The following BRWD1 variants were observed in gnomAD, a reference collection of about 807,000 sequenced individuals.
BRWD1 encodes bromodomain and WD repeat domain containing 1.
A neutral mutation model predicts 251.2 loss-of-function variants in BRWD1; 82 were observed. That is an observed-to-expected ratio of 0.33 (90% confidence interval 0.27 to 0.39). The LOEUF (loss-of-function observed/expected upper bound fraction) is 0.39, where lower values mean the gene tolerates loss of function less well. BRWD1 is among the 10% of genes least tolerant of loss of function. BRWD1 has a pLI of 1.00. For synonymous variants in BRWD1, 918 were observed against 902.8 expected (o/e 1.02, Z -0.30); for missense variants, 2,233 against 2,711.6 (o/e 0.82, Z 3.92).
chr21:39,246,801 G>A (rs1205327496), intron 21 of BRWD1, among the ~76,000 whole-genome samples: 3 of 152,194 alleles, frequency 2.0e-5, no homozygotes, highest in Non-Finnish European at 4.4e-5. Context: ...GAGCCCGTCC[G>A]GCTGGGCGTG....
Position 39,258,516 on chromosome 21 carries a change from A to G in BRWD1, c.2042T>C (p.Leu681Pro). ...GADQDTIPRG[L>P]SNGEETPRRG... The stretch of plus-strand genomic sequence containing the variant: ...CCGGGGTGTTTCTTCACCATTTGAA[A>G]GTCCTCTTGGAATAGTATCCTGATC... Residue 681 changes from leucine (L) to proline (P), a missense_variant, in exon 18 of 41, where the codon CTT becomes CCT. Physicochemically the swap from Leu to Pro is moderately conservative, Grantham distance 98 (BLOSUM62 -3). Around this residue, in one of 12 missense-constraint regions of BRWD1, gnomAD observed 73 missense variants for 68.1 expected, o/e 1.07. Coordinates refer to ENST00000342449, the MANE Select transcript of BRWD1 (RefSeq NM_033656.4). 6.2e-7 allele frequency: 1 copy of G among 1,602,466 alleles called. No homozygotes were observed. The highest frequency in any genetic ancestry group is 2.2e-5 in the East Asian group (1 of 44,530).
intron 8 of BRWD1, among the ~76,000 whole-genome samples, chr21:39,286,100 C>T (rs370207551): frequency 6.7e-6 from 1 of 148,790 alleles, no homozygotes; most frequent in Non-Finnish European, 1.5e-5. Context: ...CTGCAAGCTC[C>T]GTCTCCCAGG....
At position 39,195,768 on chromosome 21, in the gene BRWD1, C is replaced by T. The variant is rs1045438108; in HGVS notation, c.*491G>A. The T allele has an allele frequency of 3.0e-6, 3 of 985,120 alleles. No homozygotes were observed. Among genetic ancestry groups the T allele is most frequent in the Non-Finnish European group, 2.4e-6 (2 of 829,752 alleles). The allele number at this position is 985,120 out of a possible 1,614,324, so 61.0% of individuals were successfully genotyped here. A position where few individuals can be genotyped will look rare whatever the true frequency, so the allele number is the denominator to read the frequency against. ...AAAAAAAAAAAAGTGGTAGGTACCT[C>T]GCCTACTAATCATGGTTACACCTCC... On this transcript the variant is annotated 3_prime_UTR_variant, in exon 41 of 41. Transcript: ENST00000342449.
chr21:39,189,271 A>G lies in BRWD1; in HGVS notation c.*6988T>C. 1.0e-6 allele frequency: 1 copy of G among 984,520 alleles called. No homozygotes were observed. Among genetic ancestry groups the G allele is most frequent in the East Asian group, 1.1e-4 (1 of 8,816 alleles). The allele number at this position is 984,520 out of a possible 1,614,324, so 61.0% of individuals were successfully genotyped here. ...GAAGAAAAGAACAGATAACTGGTTC[A>G]TTCCCAACAACCTATTCATCCAGAC... On this transcript the variant is annotated 3_prime_UTR_variant, in exon 41 of 41. Coordinates refer to ENST00000342449, the MANE Select transcript of BRWD1 (RefSeq NM_033656.4).
At chr21:39,281,925 T>C (rs915179400) in intron 8 of BRWD1, among the ~76,000 whole-genome samples, 1 of 74,244 alleles carries the variant, frequency 1.3e-5, no homozygotes, top group Non-Finnish European at 3.5e-5. Context: ...TATATACGTA[T>C]ACATACATAT....
At chr21:39,217,061 A>G (rs1601299597) in intron 31 of BRWD1, 2 of 8,976 alleles carry the variant, frequency 2.2e-4, no homozygotes, top group African/African-American at 5.4e-4. Flanking sequence ...TTATATATAT[A>G]TATATATATA....
At chr21:39,215,556 T>C (rs945784217) in intron 31 of BRWD1, among the ~76,000 whole-genome samples, 194 bp from the exon 32 acceptor site, 2 of 152,226 alleles carry the variant, frequency 1.3e-5, no homozygotes, top group Non-Finnish European at 2.9e-5. Flanking sequence ...AGCAATTATA[T>C]TGAACTGAAG....
chr21:39,218,768 A>C (rs1051247296), intron 29 of BRWD1, 108 bp from the exon 30 acceptor site: 56 of 854,250 alleles, frequency 6.6e-5, no homozygotes, highest in Non-Finnish European at 8.9e-5. Flanking sequence ...TTATCTCCAC[A>C]GTCAAAAATA....
Position 39,194,869 on chromosome 21 carries a change from G to C in BRWD1, c.*1390C>G. 1 of 1,532,072 alleles carries C rather than the reference G, an allele frequency of 6.5e-7. No individual in the cohort carries two copies. The highest frequency in any genetic ancestry group is 1.2e-5 in the South Asian group (1 of 83,854). 94.9% of individuals were successfully genotyped at this position (1,532,072 alleles called of 1,614,324 possible). ...CAGGAGAAAAGGGTTAATTTTGTCT[G>C]AAATCAAACACAATTAGGGCTAATA... is the stretch of plus-strand genomic sequence containing the variant. On this transcript the variant is annotated 3_prime_UTR_variant, in exon 41 of 41. Coordinates refer to ENST00000342449, the MANE Select transcript of BRWD1 (RefSeq NM_033656.4).
chr21:39,319,501 G>A (rs913642156), intron 1 of BRWD1, among the ~76,000 whole-genome samples: 5 of 152,316 alleles, frequency 3.3e-5, no homozygotes, highest in South Asian at 4.1e-4. Flanking sequence ...TTTGGATGTC[G>A]GAGTTGGGCA....
Position 39,188,528 on chromosome 21 carries a change from G to T in BRWD1, c.*7731C>A. 2 of 985,386 alleles carry T rather than the reference G, an allele frequency of 2.0e-6. No individual in the cohort carries two copies. The highest frequency in any genetic ancestry group is 2.4e-6 in the Non-Finnish European group (2 of 829,896). The allele number at this position is 985,386 out of a possible 1,614,324, so 61.0% of individuals were successfully genotyped here. A position where few individuals can be genotyped will look rare whatever the true frequency, so the allele number is the denominator to read the frequency against. ...ATGAAACCACCAATGCCAACCTTCT[G>T]AACTTTTTCTTCTGTGAAGATGTTT... is the stretch of plus-strand genomic sequence containing the variant. On this transcript the variant is annotated 3_prime_UTR_variant, in exon 41 of 41. Coordinates refer to ENST00000342449, the MANE Select transcript of BRWD1 (RefSeq NM_033656.4).
At chr21:39,243,623 C>A (rs1215433665) in intron 21 of BRWD1, among the ~76,000 whole-genome samples, 1 of 151,480 alleles carries the variant, frequency 6.6e-6, no homozygotes. Context: ...TTTTTTTTCT[C>A]ATTTTTTTGT....
At chr21:39,249,176 G>T (rs1361242380) in intron 20 of BRWD1, among the ~76,000 whole-genome samples, 3 of 152,082 alleles carry the variant, frequency 2.0e-5, no homozygotes, top group Admixed American at 6.5e-5. Context: ...GTACAGAAGG[G>T]AACAACAGAC....
intron 20 of BRWD1, 22 bp from the exon 21 acceptor site, chr21:39,247,854 G>A (rs373293467): frequency 1.3e-4 from 211 of 1,567,610 alleles, no homozygotes; most frequent in Non-Finnish European, 1.6e-4. Flanking sequence ...AAAAACATGC[G>A]AATGAAAATC....
chr21:39,188,786 T>C lies in BRWD1; in HGVS notation c.*7473A>G, dbSNP rs989106863. 10 of 985,300 alleles carry C rather than the reference T, an allele frequency of 1.0e-5. No individual in the cohort carries two copies. The highest frequency in any genetic ancestry group is 9.6e-6 in the Non-Finnish European group (8 of 829,914). The allele number at this position is 985,300 out of a possible 1,614,324, so 61.0% of individuals were successfully genotyped here. Reference sequence around the variant, plus strand: ...CTTTATTCAAAGCAACCCCACCACATACACATCAGTTCCTTTTGCCAACTA... The same window carrying C: ...CTTTATTCAAAGCAACCCCACCACACACACATCAGTTCCTTTTGCCAACTA... On this transcript the variant is annotated 3_prime_UTR_variant, in exon 41 of 41. Coordinates refer to ENST00000342449, the MANE Select transcript of BRWD1 (RefSeq NM_033656.4).
intron 4 of BRWD1, among the ~76,000 whole-genome samples, chr21:39,303,718 G>A (rs866179829): frequency 7.3e-5 from 11 of 151,588 alleles, no homozygotes; most frequent in Middle Eastern, 3.4e-3. Context: ...AGCTACTCAG[G>A]AGACTAAGGT....
chr21:39,214,411 A>G (rs1310994368), intron 32 of BRWD1, among the ~76,000 whole-genome samples: 1 of 152,116 alleles, frequency 6.6e-6, no homozygotes, highest in African/African-American at 2.4e-5. Flanking sequence ...CCAATTAAAT[A>G]TACTCTATAA....
Position 39,306,316 on chromosome 21 carries a change from G to A in BRWD1, c.198+6525C>T, listed in dbSNP as rs377677357. On this transcript the variant is annotated intron_variant, in intron 4 of 40. Transcript: ENST00000342449. ...GATCTCTTGACCTTGTGATCCACCC[G>A]CCTCAGCCTCCCCAAGTGCTGGGAT... Among the ~76,000 whole-genome samples, 1,519 of 152,156 alleles carry A rather than the reference G, an allele frequency of 1.0e-2. 14 individuals are homozygous for A. The highest frequency in any genetic ancestry group is 0.014 in the Non-Finnish European group (949 of 67,998).
At chr21:39,292,630 C>T (rs1004348100) in intron 8 of BRWD1, among the ~76,000 whole-genome samples, 1 of 152,144 alleles carries the variant, frequency 6.6e-6, no homozygotes, top group Non-Finnish European at 1.5e-5. Context: ...ATCCAATAAC[C>T]AACTTAACAG....
Sources: allele counts gnomAD v4.1 joint callset (sites outside exome capture counted in the v4.1 genomes callset), GRCh38; gene constraint gnomAD v4.1.1; regional missense constraint gnomAD v4.1.1; transcripts MANE v1.5; gene names NCBI Gene and HGNC (gene_info 2026-07-23, HGNC 2026-07-21).